Variants in DPP10 observed in about 807,000 individuals in gnomAD.
DPP10 encodes the protein dipeptidyl peptidase like 10.
A neutral mutation model predicts 120.9 loss-of-function variants in DPP10; 33 were observed. That is an observed-to-expected ratio of 0.27 (90% CI 0.21 to 0.37). The LOEUF is 0.37. Among genes scored for constraint, DPP10 ranks in the 10% least tolerant of loss-of-function variants. DPP10 has a pLI of 1.00. For missense variants in DPP10, 816 were observed against 942.8 expected (o/e 0.87, Z 1.76); for synonymous variants, 337 against 326.1 (o/e 1.03, Z -0.36).
chr2:115,609,061 A>G (rs147517582), intron 5 of DPP10, among the ~76,000 whole-genome samples: 6 of 152,318 alleles, frequency 3.9e-5, no homozygotes, highest in African/African-American at 1.4e-4. Flanking sequence ...CTGCTAGGGC[A>G]CATCATTATG....
intron 3 of DPP10, among the ~76,000 whole-genome samples, chr2:115,467,623 A>G (rs1253648320): frequency 6.6e-6 from 1 of 152,078 alleles, no homozygotes; most frequent in Non-Finnish European, 1.5e-5. Context: ...ATTAACTGTG[A>G]TGCTCACTAT....
intron 1 of DPP10, among the ~76,000 whole-genome samples, chr2:114,551,073 C>T (rs991762687): frequency 6.6e-6 from 1 of 152,132 alleles, no homozygotes; most frequent in African/African-American, 2.4e-5. Flanking sequence ...AGTCTGGTGT[C>T]CTTGCAATCC....
intron 1 of DPP10, among the ~76,000 whole-genome samples, chr2:114,605,978 C>A (rs1692756772): frequency 6.6e-6 from 1 of 152,080 alleles, no homozygotes; most frequent in African/African-American, 2.4e-5. Flanking sequence ...AAGCCACTAC[C>A]TGTTATGAAC....
chr2:115,593,251 A>G (rs1022771566), intron 5 of DPP10, among the ~76,000 whole-genome samples: 1 of 152,148 alleles, frequency 6.6e-6, no homozygotes, highest in African/African-American at 2.4e-5. Flanking sequence ...CTAATAAAGC[A>G]TTTCTATGGA....
chr2:115,749,249 T>C (rs1387060209), intron 10 of DPP10, among the ~76,000 whole-genome samples: 4 of 152,222 alleles, frequency 2.6e-5, no homozygotes, highest in African/African-American at 9.6e-5. Flanking sequence ...TAATGAATCA[T>C]GAAGATTTTC....
At chr2:115,260,313 C>T (rs983595936) in intron 1 of DPP10, among the ~76,000 whole-genome samples, 5 of 151,982 alleles carry the variant, frequency 3.3e-5, no homozygotes, top group South Asian at 2.1e-4. Flanking sequence ...CAAATCATTC[C>T]GTTGGTAATA....
chr2:115,153,402 T>C (rs1026647685), intron 1 of DPP10, among the ~76,000 whole-genome samples: 1 of 152,204 alleles, frequency 6.6e-6, no homozygotes, highest in African/African-American at 2.4e-5. Flanking sequence ...TTCTAGTGAA[T>C]ATGCATTGAC....
intron 1 of DPP10, among the ~76,000 whole-genome samples, chr2:114,864,095 T>C (rs566245079): frequency 1.3e-5 from 2 of 152,366 alleles, no homozygotes; most frequent in Admixed American, 1.3e-4. Flanking sequence ...GAAGGTCTCT[T>C]AGAGAAACAT....
chr2:115,842,436 A>C lies in DPP10; in HGVS notation c.*91A>C. On this transcript the variant is annotated 3_prime_UTR_variant, in exon 26 of 26. Transcript: ENST00000410059. ...AATATTGTAGTTGCTCCAGAATGTC[A>C]AGGGCAGCTTACGGAGATGTCACTG... 6.8e-7 allele frequency: 1 copy of C among 1,465,696 alleles called. No homozygotes were observed. The highest frequency in any genetic ancestry group is 2.3e-5 in the East Asian group (1 of 43,236). The allele number at this position is 1,465,696 out of a possible 1,614,324, so 90.8% of individuals were successfully genotyped here.
At chr2:114,541,481 C>T (rs1686951151) in intron 1 of DPP10, among the ~76,000 whole-genome samples, 1 of 152,154 alleles carries the variant, frequency 6.6e-6, no homozygotes, top group Admixed American at 6.5e-5. Flanking sequence ...AATCCACTCT[C>T]AGGAAAACAG....
At chr2:114,598,666 A>G (rs1692120832) in intron 1 of DPP10, among the ~76,000 whole-genome samples, 1 of 151,864 alleles carries the variant, frequency 6.6e-6, no homozygotes, top group Non-Finnish European at 1.5e-5. Flanking sequence ...AAATGAAAAC[A>G]AGAGGTCAAA....
At chr2:114,602,360 T>A (rs907289538) in intron 1 of DPP10, among the ~76,000 whole-genome samples, 1 of 151,778 alleles carries the variant, frequency 6.6e-6, no homozygotes, top group Non-Finnish European at 1.5e-5. Flanking sequence ...TGTGTAGCAT[T>A]TATTACATTA....
intron 1 of DPP10, among the ~76,000 whole-genome samples, chr2:114,636,670 A>G (rs1695326121): frequency 6.6e-6 from 1 of 151,924 alleles, no homozygotes; most frequent in Admixed American, 6.6e-5. Context: ...AGCATTTACA[A>G]AGAAAGGTGG....
At chr2:115,757,077 C>T (rs924385896) in intron 11 of DPP10, among the ~76,000 whole-genome samples, 8 of 149,732 alleles carry the variant, frequency 5.3e-5, no homozygotes, top group Non-Finnish European at 7.4e-5. Flanking sequence ...AACATGATTC[C>T]GGAGTGGGGA....
chr2:115,792,291 A>G (rs796074314), intron 19 of DPP10, among the ~76,000 whole-genome samples: 12 of 152,290 alleles, frequency 7.9e-5, no homozygotes, highest in African/African-American at 2.9e-4. Flanking sequence ...AGTGAAATAC[A>G]ACATATAAAG....
intron 1 of DPP10, among the ~76,000 whole-genome samples, chr2:114,937,293 T>C (rs1246236338): frequency 6.6e-6 from 1 of 152,168 alleles, no homozygotes; most frequent in Non-Finnish European, 1.5e-5. Context: ...TCCAGTTTCG[T>C]TCTCCTACAT....
chr2:114,712,657 A>G (rs2105871470), intron 1 of DPP10, among the ~76,000 whole-genome samples: 1 of 152,306 alleles, frequency 6.6e-6, no homozygotes, highest in East Asian at 1.9e-4. Flanking sequence ...TATCAATCAT[A>G]AAAGCATTAC....
chr2:115,417,245 C>T (rs1397986952), intron 3 of DPP10, among the ~76,000 whole-genome samples: 1 of 151,914 alleles, frequency 6.6e-6, no homozygotes, highest in Non-Finnish European at 1.5e-5. Context: ...GCCAAGGTAC[C>T]AATAGAAAAC....
At chr2:115,201,888 T>G (rs2105299815) in intron 1 of DPP10, among the ~76,000 whole-genome samples, 1 of 152,234 alleles carries the variant, frequency 6.6e-6, no homozygotes, top group Non-Finnish European at 1.5e-5. Context: ...AAGGAAAACA[T>G]TAGGGCATTA....
Sources: gnomAD v4.1 joint callset for allele counts (sites outside exome capture counted in the v4.1 genomes callset) on GRCh38, gnomAD v4.1.1 for gene constraint, MANE v1.5 for transcripts, NCBI Gene and HGNC (gene_info 2026-07-23, HGNC 2026-07-21) for gene names.